Variants in WNT9B observed in about 807,000 individuals in gnomAD.
The protein encoded by WNT9B is protein Wnt-9b.
WNT9B carries 12 observed loss-of-function variants against 30.2 expected under a neutral mutation model. The observed-to-expected ratio is 0.40, with a 90% CI of 0.26 to 0.64. The LOEUF (loss-of-function observed/expected upper bound fraction) is 0.64, where lower values mean the gene tolerates loss of function less well. Among genes scored for constraint, WNT9B ranks in the 30% least tolerant of loss-of-function variants. The probability of loss-of-function intolerance (pLI) is 0.42; values close to 1 mark genes in which losing one functional copy is unlikely to be tolerated. For missense variants in WNT9B, 442 were observed against 485.2 expected, an observed-to-expected ratio of 0.91 and a Z score of 0.84; for synonymous variants, 218 against 216.9, an observed-to-expected ratio of 1.01 and a Z score of -0.05.
rs1001979322 is a variant in WNT9B, at chr17:46,851,918, C to T, written c.77+203C>T. 1.3e-5 allele frequency among the ~76,000 whole-genome samples: 2 copies of T among 152,202 alleles called. No homozygotes were observed. The highest frequency in any genetic ancestry group is 2.9e-5 in the Non-Finnish European group (2 of 68,032). On this transcript the variant is annotated intron_variant, in intron 1 of 3. Transcript: ENST00000290015. The surrounding 1 kb of genome is among the most constrained non-coding windows in gnomAD (Gnocchi z 4.3). ...TCTCCAGCTTCCCCGGCTCCGAATCCATCGCCCTGTTCAGTGTCCGAGTCT... is the reference window on the plus strand; with the variant it reads ...TCTCCAGCTTCCCCGGCTCCGAATCTATCGCCCTGTTCAGTGTCCGAGTCT...
chr17:46,859,791 C>T (rs1235411776), intron 1 of WNT9B, among the ~76,000 whole-genome samples: 2 of 152,046 alleles, frequency 1.3e-5, no homozygotes, highest in African/African-American at 2.4e-5. Context: ...GGAAGATTGA[C>T]GTTCTAACAA....
chr17:46,866,365 AGT>A (rs937404689), intron 1 of WNT9B, among the ~76,000 whole-genome samples: 1 of 151,446 alleles, frequency 6.6e-6, no homozygotes, highest in Non-Finnish European at 1.5e-5. Context: ...TGTGTGTGTG[AGT>A]GTGTATGTGC....
intron 2 of WNT9B, 42 bp from the exon 3 acceptor site, chr17:46,875,059 C>T (rs1568131066): frequency 1.2e-6 from 2 of 1,613,204 alleles, no homozygotes; most frequent in Non-Finnish European, 1.7e-6. Flanking sequence ...TTCCTCTCTT[C>T]CCCCTTTCCT....
downstream of WNT9B, among the ~76,000 whole-genome samples, chr17:46,884,729 A>G (rs1254318688): frequency 6.6e-6 from 1 of 152,186 alleles, no homozygotes; most frequent in African/African-American, 2.4e-5. Context: ...ACCGGGGCTC[A>G]GAGGGGTTAG....
At chr17:46,837,167 T>C (rs376543371) in intron 1 of WNT9B, among the ~76,000 whole-genome samples, 17 of 152,336 alleles carry the variant, frequency 1.1e-4, no homozygotes, top group Middle Eastern at 6.8e-3. Flanking sequence ...GGTCTTGATC[T>C]CTTGACCTCG....
At position 46,872,557 on chromosome 17, in the gene WNT9B, G is replaced by A. The variant is rs897920954; in HGVS notation, c.118G>A (p.Gly40Ser). 5.7e-6 allele frequency: 9 copies of A among 1,584,498 alleles called. No homozygotes were observed. Among genetic ancestry groups the A allele is most frequent in the Non-Finnish European group, 5.2e-6 (6 of 1,163,284 alleles). ...REVLTPFPGLGTAAAPAQGGA... is the reference protein window; with the variant it reads ...REVLTPFPGLSTAAAPAQGGA... ...AGTCCTGACGCCCTTCCCAGGATTG[G>A]GCACTGCGGCAGCCCCGGCACAGGG... The change falls in exon 2 of 4, where the codon GGC (glycine) becomes AGC (serine). Residue 40 changes from glycine to serine, a missense_variant. By Grantham distance (56) the Gly-to-Ser change is moderately conservative. Coordinates refer to ENST00000290015, the MANE Select transcript of WNT9B (RefSeq NM_003396.3).
At chr17:46,837,322 C>A (rs908089042) in intron 1 of WNT9B, among the ~76,000 whole-genome samples, 2 of 152,148 alleles carry the variant, frequency 1.3e-5, no homozygotes, top group African/African-American at 2.4e-5. Flanking sequence ...CCTGCAGTGA[C>A]AAGGCTGGCC....
At chr17:46,874,928 G>A in intron 2 of WNT9B, 173 bp from the exon 3 acceptor site, 1 of 998,112 alleles carries the variant, frequency 1.0e-6, no homozygotes, top group Non-Finnish European at 1.6e-6. Flanking sequence ...AGGGGCAGTT[G>A]ACAGGGAGAC....
chr17:46,852,710 C>G (rs540265248), intron 1 of WNT9B, among the ~76,000 whole-genome samples: 4 of 152,178 alleles, frequency 2.6e-5, no homozygotes, highest in African/African-American at 7.2e-5. Context: ...TAAGCCTTGC[C>G]TCCTTTTAAA....
At chr17:46,835,924 G>A (rs2084623161) in intron 1 of WNT9B, among the ~76,000 whole-genome samples, 1 of 152,248 alleles carries the variant, frequency 6.6e-6, no homozygotes, top group Admixed American at 6.5e-5. Flanking sequence ...CTCTGGGACA[G>A]GACTCTCCTG....
intron 1 of WNT9B, among the ~76,000 whole-genome samples, chr17:46,834,084 A>C (rs2084592126): frequency 6.6e-6 from 1 of 152,070 alleles, no homozygotes; most frequent in Non-Finnish European, 1.5e-5. Flanking sequence ...AGTCTCAGCT[A>C]CTCGGGAGGC....
Position 46,875,316 on chromosome 17 carries a change from A to G in WNT9B, c.550A>G (p.Lys184Glu). 6.2e-7 allele frequency: 1 copy of G among 1,613,598 alleles called. No homozygotes were observed. Among genetic ancestry groups the G allele is most frequent in the Non-Finnish European group, 8.5e-7 (1 of 1,179,608 alleles). Residue 184 changes from lysine to glutamate, a missense_variant, in exon 3 of 4, where the codon AAG (lysine) becomes GAG (glutamate). Physicochemically the swap from Lys to Glu is moderately conservative, Grantham distance 56. Transcript: ENST00000290015. Reference protein sequence around the residue: ...SNFLGSKRGNKDLRARADAHN... With the variant: ...SNFLGSKRGNEDLRARADAHN... ...CTTCCTGGGGTCCAAGAGAGGAAAC[A>G]AGGACCTGCGGGCACGGGCAGACGC...
In WNT9B at chr17:46,840,973, G is replaced by C. The variant is rs1162480520; in HGVS notation, c.95+7533G>C. Among the ~76,000 whole-genome samples, 4 of 152,184 alleles carry C rather than the reference G, an allele frequency of 2.6e-5. No homozygotes were observed. In the East Asian group the frequency reaches 7.7e-4, roughly 29 times the overall value. On this transcript the variant is annotated intron_variant, in intron 1 of 2. Transcript: ENST00000575372. ...GTGGAGGCAGAAAGCAGCCGGTTCT[G>C]TTTCCAACTGCATTCTCCTTTCCTG... is the stretch of plus-strand genomic sequence containing the variant.
chr17:46,859,059 C>A (rs1340770890), intron 1 of WNT9B, among the ~76,000 whole-genome samples: 1 of 151,392 alleles, frequency 6.6e-6, no homozygotes, highest in Non-Finnish European at 1.5e-5. Context: ...TCACTGCAAC[C>A]TCCACCTCCC....
intron 1 of WNT9B, among the ~76,000 whole-genome samples, chr17:46,863,870 G>T (rs566176987): frequency 2.8e-4 from 42 of 152,310 alleles, no homozygotes; most frequent in African/African-American, 1.0e-3. Flanking sequence ...ATCCCAGGGG[G>T]TGTCCTGGAC....
At chr17:46,842,128 A>G (rs1196610489) in intron 1 of WNT9B, among the ~76,000 whole-genome samples, 1 of 152,050 alleles carries the variant, frequency 6.6e-6, no homozygotes, top group East Asian at 1.9e-4. Context: ...TTCCCACTCT[A>G]TGCTCTGGGA....
chr17:46,861,434 G>C (rs781779923), intron 1 of WNT9B, among the ~76,000 whole-genome samples: 3 of 152,102 alleles, frequency 2.0e-5, no homozygotes, highest in Non-Finnish European at 4.4e-5. Flanking sequence ...TCTGTGCCCT[G>C]TCCCATTCAC....
intron 1 of WNT9B, among the ~76,000 whole-genome samples, chr17:46,864,025 A>G (rs1345210485): frequency 6.6e-6 from 1 of 152,222 alleles, no homozygotes; most frequent in Non-Finnish European, 1.5e-5. Flanking sequence ...CTGTGCAAAC[A>G]ATGGCACTGT....
At position 46,880,259 on chromosome 17, in the gene WNT9B, C is replaced by G. The variant is rs1184829911; in HGVS notation, c.*3541C>G. ...TACCCTTCATCACCTGGCAGACAGA[C>G]AGCCCCATGCCAACCCTGGACATTA... On this transcript the variant is annotated 3_prime_UTR_variant, in exon 4 of 4. Transcript: ENST00000290015. Among the ~76,000 whole-genome samples, 1 of 152,232 alleles carries G rather than the reference C, an allele frequency of 6.6e-6. No individual in the cohort carries two copies.
Sources: allele counts gnomAD v4.1 joint callset (sites outside exome capture counted in the v4.1 genomes callset), GRCh38; gene constraint gnomAD v4.1.1; non-coding constraint Gnocchi (gnomAD v3.1); transcripts MANE v1.5; gene names NCBI Gene and HGNC (gene_info 2026-07-23, HGNC 2026-07-21).